Variants in PARVB observed in about 807,000 individuals in gnomAD.
The protein encoded by PARVB is beta-parvin.
In PARVB, 46 loss-of-function variants were observed where a neutral mutation model predicts 47.0. That is an observed-to-expected ratio of 0.98 (90% CI 0.77 to 1.25). The LOEUF (loss-of-function observed/expected upper bound fraction) is 1.25. Among genes scored for constraint, PARVB ranks in the 50% most tolerant of loss-of-function variants. The probability of loss-of-function intolerance (pLI) is 0.00; values close to 1 mark genes in which losing one functional copy is unlikely to be tolerated. For synonymous variants in PARVB, 196 were observed against 196.3 expected, an observed-to-expected ratio of 1.00 and a Z score of 0.01; for missense variants, 473 against 471.6, an observed-to-expected ratio of 1.00 and a Z score of -0.03.
chr22:44,020,339 G>A (rs561067908), upstream of PARVB, among the ~76,000 whole-genome samples: 1 of 152,182 alleles, frequency 6.6e-6, no homozygotes, highest in Non-Finnish European at 1.5e-5. Context: ...ATTACACCCA[G>A]CTAATTTTTT....
intron 1 of PARVB, among the ~76,000 whole-genome samples, chr22:44,032,901 A>T (rs915803498): frequency 1.3e-5 from 2 of 152,214 alleles, no homozygotes; most frequent in African/African-American, 4.8e-5. Flanking sequence ...CCCCCAGAAC[A>T]GGAGCCTTTT....
At chr22:44,113,915 A>G (rs2052782665) in intron 3 of PARVB, 1 of 54,700 alleles carries the variant, frequency 1.8e-5, no homozygotes, top group African/African-American at 1.2e-4. Context: ...GCCCTGCACC[A>G]ACACAGATAC....
chr22:44,160,475 C>G (rs1056965309), intron 11 of PARVB, among the ~76,000 whole-genome samples: 1 of 152,172 alleles, frequency 6.6e-6, no homozygotes, highest in Non-Finnish European at 1.5e-5. Flanking sequence ...GTGGCTGGCT[C>G]GAAGCAGGTG....
At chr22:44,003,305 CG>C (rs1421410024) in intron 2 of PARVB, among the ~76,000 whole-genome samples, 2 of 152,210 alleles carry the variant, frequency 1.3e-5, no homozygotes, top group East Asian at 3.8e-4. Context: ...TTCATCTAAA[CG>C]TAATTTCCCT....
At chr22:44,048,418 C>T (rs1266131934) in intron 1 of PARVB, among the ~76,000 whole-genome samples, 1 of 152,080 alleles carries the variant, frequency 6.6e-6, no homozygotes, top group African/African-American at 2.4e-5. Context: ...GTCGCCCAGG[C>T]TGGAGTGCAG....
chr22:44,041,842 AC>A (rs2051024636), intron 1 of PARVB, among the ~76,000 whole-genome samples: 2 of 152,074 alleles, frequency 1.3e-5, no homozygotes. Context: ...TCGAGATTGC[AC>A]CACTACATTC....
rs143268767 is a variant in PARVB, at chr22:44,001,578, G to A, written c.211+1905G>A. ...GACATAGAAATTGCAACCATTTCAC[G>A]CTGTTGTAAAAGTCAGTACATCGGA... On this transcript the variant is annotated intron_variant, in intron 2 of 13. Coordinates refer to the PARVB transcript ENST00000406477. Among the ~76,000 whole-genome samples, 276 of 152,284 alleles carry A rather than the reference G, an allele frequency of 1.8e-3. 1 individual carries two copies. Among genetic ancestry groups the A allele is most frequent in the African/African-American group, 6.1e-3 (254 of 41,546 alleles).
chr22:44,156,803 C>T lies in PARVB; in HGVS notation c.844-1179C>T, dbSNP rs969192724. Among the ~76,000 whole-genome samples the T allele has an allele frequency of 6.6e-5, 10 of 152,092 alleles. No homozygotes were observed. The East Asian group carries it at 7.7e-4, about 12-fold the overall frequency. On this transcript the variant is annotated intron_variant, in intron 10 of 12. Transcript: ENST00000338758. ...ATAAATGGATATGCGATTCCACTTACGTGAGATACCCAGAGGAGTCAAATT... is the reference window on the plus strand; with the variant it reads ...ATAAATGGATATGCGATTCCACTTATGTGAGATACCCAGAGGAGTCAAATT...
At chr22:44,047,288 G>A (rs761365400) in intron 1 of PARVB, among the ~76,000 whole-genome samples, 1 of 152,278 alleles carries the variant, frequency 6.6e-6, no homozygotes, top group Non-Finnish European at 1.5e-5. Flanking sequence ...AGAGGAAGGA[G>A]GTGCCATGCT....
chr22:44,120,254 A>G lies in PARVB; in HGVS notation c.376+1114A>G, dbSNP rs6006659. Among the ~76,000 whole-genome samples, 1,124 of 152,326 alleles carry G rather than the reference A, an allele frequency of 7.4e-3. 14 individuals carry two copies. Among genetic ancestry groups the G allele is most frequent in the African/African-American group, 0.026 (1,085 of 41,578 alleles). ...CCTGGGGGTCTGGCTGAATGAGCAGATGTCCCTGGTTGTCCCCACGATGCC... is the reference window on the plus strand; with the variant it reads ...CCTGGGGGTCTGGCTGAATGAGCAGGTGTCCCTGGTTGTCCCCACGATGCC... On this transcript the variant is annotated intron_variant, in intron 4 of 12. Coordinates refer to ENST00000338758, the MANE Select transcript of PARVB (RefSeq NM_013327.5).
rs116447023 is a variant in PARVB, at chr22:44,051,581, C to T, written c.112+27130C>T. On this transcript the variant is annotated intron_variant, in intron 1 of 12. Coordinates refer to ENST00000338758, the MANE Select transcript of PARVB (RefSeq NM_013327.5). Reference sequence around the variant, plus strand: ...TGCTGGAAGGAGCCCTTCCTGTTGTCGGCGCTGTGTGTAACCAATGAGGCG... The same window carrying T: ...TGCTGGAAGGAGCCCTTCCTGTTGTTGGCGCTGTGTGTAACCAATGAGGCG... Among the ~76,000 whole-genome samples, 933 of 152,224 alleles carry T rather than the reference C, an allele frequency of 6.1e-3. 13 individuals are homozygous for T. Among genetic ancestry groups the T allele is most frequent in the African/African-American group, 0.021 (877 of 41,522 alleles).
At chr22:44,055,483 G>GC (rs2051289137) in intron 1 of PARVB, among the ~76,000 whole-genome samples, 1 of 151,820 alleles carries the variant, frequency 6.6e-6, no homozygotes, top group Non-Finnish European at 1.5e-5. Context: ...TACAGGCACT[G>GC]GCCACCACAC....
At chr22:44,025,017 C>T (rs74548230) in intron 1 of PARVB, among the ~76,000 whole-genome samples, 12,439 of 152,150 alleles carry the variant, frequency 0.082, 641 homozygotes, top group Middle Eastern at 0.18. Context: ...CACTACCAAC[C>T]TCGTACGTTT....
At chr22:44,036,340 ACAGT>A (rs1264992323) in intron 1 of PARVB, among the ~76,000 whole-genome samples, 4 of 152,226 alleles carry the variant, frequency 2.6e-5, no homozygotes, top group African/African-American at 9.6e-5. Flanking sequence ...AACTGTGAAC[ACAGT>A]CTGTGTGTGT....
intron 5 of PARVB, 122 bp from the exon 6 acceptor site, chr22:44,132,772 C>G (rs1327703233): frequency 3.2e-6 from 2 of 625,266 alleles, no homozygotes; most frequent in Non-Finnish European, 5.8e-6. Context: ...GTCCACACTT[C>G]GCTCCATCCT....
intron 2 of PARVB, among the ~76,000 whole-genome samples, chr22:44,097,005 G>C (rs1445345626): frequency 1.3e-5 from 2 of 152,082 alleles, no homozygotes; most frequent in Non-Finnish European, 2.9e-5. Context: ...AGCGCTTGCT[G>C]TACCCACTGT....
intron 8 of PARVB, chr22:44,146,287 A>G (rs1310518647): frequency 7.9e-6 from 1 of 125,890 alleles, no homozygotes; most frequent in Non-Finnish European, 1.7e-5. Flanking sequence ...ATGTTCACAC[A>G]CAACCTCACA....
chr22:44,135,407 T>G (rs559227481), intron 6 of PARVB, among the ~76,000 whole-genome samples: 1 of 152,120 alleles, frequency 6.6e-6, no homozygotes, highest in Non-Finnish European at 1.5e-5. Context: ...TACAGGCACA[T>G]GCCACCACGC....
intron 10 of PARVB, chr22:44,153,055 G>A (rs1358657267): frequency 6.6e-6 from 1 of 152,064 alleles, no homozygotes; most frequent in African/African-American, 2.4e-5. Flanking sequence ...GGACAGTGTG[G>A]GTCTGTATAT....
Sources: allele counts gnomAD v4.1 joint callset (sites outside exome capture counted in the v4.1 genomes callset), GRCh38; gene constraint gnomAD v4.1.1; transcripts MANE v1.5; gene names NCBI Gene and HGNC (gene_info 2026-07-23, HGNC 2026-07-21).